ADAM18: variants seen among roughly 807,000 people sequenced by gnomAD.
The protein encoded by ADAM18 is disintegrin and metalloproteinase domain-containing protein 18.
In ADAM18, 117 loss-of-function variants were observed where a neutral mutation model predicts 94.4. The ratio of observed to expected loss-of-function variants is 1.24; its 90% CI spans 1.07 to 1.45. The LOEUF (loss-of-function observed/expected upper bound fraction) is 1.45, where lower values mean the gene tolerates loss of function less well. ADAM18 is among the 40% of genes most tolerant of loss of function. The pLI is 0.00. For synonymous variants in ADAM18, 327 were observed against 291.6 expected (o/e 1.12, Z -1.24); for missense variants, 936 against 880.0 (o/e 1.06, Z -0.81).
In ADAM18 at chr8:39,637,273, A is replaced by G; in HGVS notation, c.598A>G (p.Met200Val). 6.2e-7 allele frequency: 1 copy of G among 1,603,150 alleles called. No individual in the cohort carries two copies. The change falls in exon 8 of 20, where the codon ATG becomes GTG. Residue 200 changes from methionine to valine, a missense_variant. Transcript: ENST00000265707. Reference sequence around the variant, plus strand: ...AAAATTTCTTTTTCAGTATGATTATATGGGATCTGAAATGATGGCTGTAAC... The same window carrying G: ...AAAATTTCTTTTTCAGTATGATTATGTGGGATCTGAAATGATGGCTGTAAC... ...IIVEKALYDY[M>V]GSEMMAVTQK... is the part of the protein sequence containing the mutation.
chr8:39,718,981 G>A (rs189361374), intron 18 of ADAM18, among the ~76,000 whole-genome samples: 55 of 151,298 alleles, frequency 3.6e-4, no homozygotes, highest in African/African-American at 1.2e-3. Context: ...TTTTGCAGAA[G>A]GTGATAAGCT....
At chr8:39,626,858 A>G (rs897186709) in intron 6 of ADAM18, among the ~76,000 whole-genome samples, 2 of 152,080 alleles carry the variant, frequency 1.3e-5, no homozygotes, top group Non-Finnish European at 2.9e-5. Context: ...CTATGTGTTG[A>G]TGAGAAGAAT....
intron 18 of ADAM18, among the ~76,000 whole-genome samples, chr8:39,707,190 C>T (rs749786857): frequency 4.6e-5 from 7 of 152,312 alleles, no homozygotes; most frequent in African/African-American, 1.4e-4. Flanking sequence ...TATGCCATGG[C>T]GTCTCCTTTG....
rs527626727 is a variant in ADAM18 at position 39,664,937 on chromosome 8, A to T, written c.1326+1047A>T. On this transcript the variant is annotated intron_variant, in intron 13 of 19. Coordinates refer to ENST00000265707, the MANE Select transcript of ADAM18 (RefSeq NM_014237.3). Reference sequence around the variant, plus strand: ...ATATTCTATGTATTTTTTTTGTTGAATTTAGCTATTAATGTATAATTTAAT... The same window carrying T: ...ATATTCTATGTATTTTTTTTGTTGATTTTAGCTATTAATGTATAATTTAAT... Among the ~76,000 whole-genome samples, 161 of 89,298 alleles carry T rather than the reference A, an allele frequency of 1.8e-3. 1 individual carries two copies. The highest frequency in any genetic ancestry group is 7.0e-3 in the African/African-American group (153 of 21,968). 58.6% of individuals were successfully genotyped at this position (89,298 alleles called of 152,430 possible).
intron 10 of ADAM18, 71 bp downstream of exon 10, chr8:39,638,617 A>C: frequency 2.2e-6 from 2 of 917,222 alleles, no homozygotes; most frequent in Admixed American, 5.6e-5. Flanking sequence ...GTATTAATTT[A>C]AGTAGTTAAA....
chr8:39,707,430 T>A (rs531508289), intron 18 of ADAM18, among the ~76,000 whole-genome samples: 1 of 152,346 alleles, frequency 6.6e-6, no homozygotes, highest in East Asian at 1.9e-4. Flanking sequence ...TTGCTGTTAA[T>A]CAGAACACAT....
intron 18 of ADAM18, among the ~76,000 whole-genome samples, chr8:39,720,074 G>C (rs1753730455): frequency 1.7e-5 from 1 of 57,250 alleles, no homozygotes; most frequent in South Asian, 4.6e-4. Context: ...ATCAACAGAT[G>C]ATGGCTAAAC....
chr8:39,710,391 A>C (rs1248394303), intron 18 of ADAM18, among the ~76,000 whole-genome samples: 1 of 152,228 alleles, frequency 6.6e-6, no homozygotes, highest in Non-Finnish European at 1.5e-5. Flanking sequence ...AAAAATGAGA[A>C]AGAATGTACA....
At chr8:39,664,617 A>T (rs1389266137) in intron 13 of ADAM18, among the ~76,000 whole-genome samples, 1 of 152,190 alleles carries the variant, frequency 6.6e-6, no homozygotes, top group East Asian at 1.9e-4. Context: ...ATGATGAATG[A>T]TTATGGAAAA....
At chr8:39,585,819 A>G (rs954182091) in intron 2 of ADAM18, among the ~76,000 whole-genome samples, 1 of 152,228 alleles carries the variant, frequency 6.6e-6, no homozygotes, top group African/African-American at 2.4e-5. Flanking sequence ...CATTTGCCCT[A>G]TTATGATGAA....
rs1820348721 is a variant in ADAM18 at position 39,645,326 on chromosome 8, CTTTTA to C, written c.910-6_910-2del. On this transcript the variant is annotated splice_region_variant and splice_polypyrimidine_tract_variant and intron_variant, in intron 10 of 19. Transcript: ENST00000265707. ...CACATAATAATTTTCTTTTTCATGT[CTTTTA>C]TTTTAGTATCCAGATGCAATAGGTT... 6.3e-7 allele frequency: 1 copy of C among 1,580,386 alleles called. No individual in the cohort carries two copies. The highest frequency in any genetic ancestry group is 1.2e-5 in the South Asian group (1 of 84,576).
chr8:39,590,433 T>C (rs1446627805), intron 2 of ADAM18, among the ~76,000 whole-genome samples: 1 of 152,098 alleles, frequency 6.6e-6, no homozygotes, highest in Non-Finnish European at 1.5e-5. Context: ...TGGGGACTGT[T>C]GTCGGGTGAG....
chr8:39,635,805 G>A lies in ADAM18; in HGVS notation c.589-1459G>A, dbSNP rs189386277. Among the ~76,000 whole-genome samples the A allele has an allele frequency of 7.2e-5, 11 of 152,128 alleles. No individual in the cohort carries two copies. In the East Asian group the frequency reaches 7.7e-4, roughly 11 times the overall value. On this transcript the variant is annotated intron_variant, in intron 7 of 19. Coordinates refer to ENST00000265707, the MANE Select transcript of ADAM18 (RefSeq NM_014237.3). ...AGTTTGGACTTGCCTGAGTTTTCTC[G>A]TGGTTACATTGAGAATCCGTTTTAT...
intron 10 of ADAM18, among the ~76,000 whole-genome samples, chr8:39,644,629 G>C (rs1459085819): frequency 6.6e-6 from 1 of 151,986 alleles, no homozygotes; most frequent in Non-Finnish European, 1.5e-5. Context: ...TCTGGCTTCT[G>C]TCCTGTCATT....
chr8:39,597,488 T>TA (rs1254338770), intron 2 of ADAM18, among the ~76,000 whole-genome samples: 1 of 152,230 alleles, frequency 6.6e-6, no homozygotes, highest in Non-Finnish European at 1.5e-5. Context: ...TTTATTTTTT[T>TA]ACGTTTGGAT....
intron 7 of ADAM18, among the ~76,000 whole-genome samples, chr8:39,635,095 C>G (rs1016663790): frequency 6.6e-6 from 1 of 152,166 alleles, no homozygotes; most frequent in Non-Finnish European, 1.5e-5. Flanking sequence ...TCTCTTCTGC[C>G]TTCTGCCATG....
chr8:39,584,700 T>G, intron 1 of ADAM18, 23 bp downstream of exon 1: 1 of 1,610,958 alleles, frequency 6.2e-7, no homozygotes, highest in Middle Eastern at 1.6e-4. Flanking sequence ...GAGCCTCCCC[T>G]TTCTTCTTCG....
intron 6 of ADAM18, among the ~76,000 whole-genome samples, chr8:39,614,354 T>C (rs1819373155): frequency 6.6e-6 from 1 of 152,162 alleles, no homozygotes; most frequent in Non-Finnish European, 1.5e-5. Flanking sequence ...AACCAAGAAT[T>C]AAATATCCAT....
intron 6 of ADAM18, among the ~76,000 whole-genome samples, chr8:39,615,015 T>A (rs1819397139): frequency 1.3e-5 from 2 of 152,074 alleles, no homozygotes; most frequent in African/African-American, 4.8e-5. Flanking sequence ...GTAGGAGACT[T>A]CAACACTCCA....
Sources: allele counts gnomAD v4.1 joint callset (sites outside exome capture counted in the v4.1 genomes callset), GRCh38; gene constraint gnomAD v4.1.1; transcripts MANE v1.5; gene names NCBI Gene and HGNC (gene_info 2026-07-23, HGNC 2026-07-21).